CXXC1: variants seen among roughly 807,000 people sequenced by gnomAD.
CXXC1 encodes the protein CXXC finger protein 1.
CXXC1 carries 21 observed loss-of-function variants against 83.6 expected under a neutral mutation model. The ratio of observed to expected loss-of-function variants is 0.25; its 90% CI spans 0.18 to 0.36. The LOEUF (loss-of-function observed/expected upper bound fraction) is 0.36. Ranked by LOEUF, CXXC1 falls within the 10% of genes least tolerant of loss-of-function variation. The pLI is 1.00. For missense variants in CXXC1, 688 were observed against 919.5 expected, an observed-to-expected ratio of 0.75 and a Z score of 3.26; for synonymous variants, 371 against 337.5, an observed-to-expected ratio of 1.10 and a Z score of -1.09.
chr18:50,282,971 T>C lies in CXXC1; in HGVS notation c.1707A>G (p.Val569=). The C allele has an allele frequency of 6.2e-7, 1 of 1,613,682 alleles. No homozygotes were observed. The highest frequency in any genetic ancestry group is 1.1e-5 in the South Asian group (1 of 91,074). ...CACCCGTGAGCTCAAAGACATCACG[T>C]ACAAGGGGGCACCCGCATACCTCGT... is the stretch of plus-strand genomic sequence containing the variant. ...PADEVCGCPL[V]RDVFELTGDF... The change falls in exon 14 of 15, where the codon GTA becomes GTG. Residue 569 remains valine, a synonymous_variant. Transcript: ENST00000285106. The surrounding 1 kb of genome is among the most constrained non-coding windows in gnomAD (Gnocchi z 5.8).
chr18:50,282,951 G>T lies in CXXC1; in HGVS notation c.1727C>A (p.Thr576Lys). 6.2e-7 allele frequency: 1 copy of T among 1,614,174 alleles called. No individual in the cohort carries two copies. The highest frequency in any genetic ancestry group is 8.5e-7 in the Non-Finnish European group (1 of 1,180,040). The part of the protein sequence containing the change: ...CPLVRDVFEL[T>K]GDFCRLPKRQ... ...CTTGGGCAGGCGGCAGAAGTCACCC[G>T]TGAGCTCAAAGACATCACGTACAAG... The change falls in exon 14 of 15, where the codon ACG (threonine) becomes AAG (lysine). Residue 576 changes from threonine (T) to lysine (K), a missense_variant. Around this residue, in one of 9 missense-constraint regions of CXXC1, gnomAD observed 114 missense variants for 173.3 expected, o/e 0.66. Coordinates refer to ENST00000285106, the MANE Select transcript of CXXC1 (RefSeq NM_014593.4). This position sits in a 1 kb window ranked among gnomAD's most constrained non-coding sequence, Gnocchi z 5.8.
Position 50,286,093 on chromosome 18 carries a change from C to T in CXXC1, c.388G>A (p.Ala130Thr). The T allele has an allele frequency of 6.2e-7, 1 of 1,613,976 alleles. No homozygotes were observed. Among genetic ancestry groups the T allele is most frequent in the East Asian group, 2.2e-5 (1 of 44,876 alleles). ...RRAGSGTGVG[A>T]MLARGSASPH... ...GAAGCAGAGCCCCGAGCAAGCATGG[C>T]CCCAACCCCTGTCCCTGACCCTGCC... The change falls in exon 4 of 15, where the codon GCC becomes ACC. Residue 130 changes from alanine (A) to threonine (T), a missense_variant. Physicochemically the swap from Ala to Thr is moderately conservative, Grantham distance 58. Transcript: ENST00000285106.
rs749268704 is a variant in CXXC1, at chr18:50,286,245, T to C, written c.236A>G (p.Lys79Arg). Residue 79 changes from lysine to arginine, a missense_variant, in exon 4 of 15, where the codon AAG (lysine) becomes AGG (arginine). By Grantham distance (26) the Lys-to-Arg change is conservative. This residue lies in a region of CXXC1 where 142 missense variants were observed against 150.7 expected (regional missense o/e 0.94). Coordinates refer to ENST00000285106, the MANE Select transcript of CXXC1 (RefSeq NM_014593.4). Reference sequence around the variant, plus strand: ...CTTGTGCCGATAGCGAATCTCTAGCTTGGGGTCTTTCTCTGTGGGGCAGAG... The same window carrying C: ...CTTGTGCCGATAGCGAATCTCTAGCCTGGGGTCTTTCTCTGTGGGGCAGAG... ...YCRECREKDP[K>R]LEIRYRHKKS... The C allele has an allele frequency of 2.5e-6, 4 of 1,606,680 alleles. No individual in the cohort carries two copies. Among genetic ancestry groups the C allele is most frequent in the Non-Finnish European group, 2.5e-6 (3 of 1,177,768 alleles).
intron 12 of CXXC1, 45 bp downstream of exon 12, chr18:50,283,470 C>A: frequency 6.2e-7 from 1 of 1,611,358 alleles, no homozygotes; most frequent in Non-Finnish European, 8.5e-7. Context: ...ACTTCTGACC[C>A]CCGCCTTAAC....
At chr18:50,283,442 C>G in intron 12 of CXXC1, 73 bp downstream of exon 12, 1 of 1,606,186 alleles carries the variant, frequency 6.2e-7, no homozygotes, top group Non-Finnish European at 8.5e-7. Flanking sequence ...TATCCTGCCC[C>G]AGCTCCACAC....
Position 50,287,600 on chromosome 18 carries a change from C to G in CXXC1, c.-11G>C, listed in dbSNP as rs756946151. On this transcript the variant is annotated 5_prime_UTR_variant, in exon 1 of 15. Coordinates refer to ENST00000285106, the MANE Select transcript of CXXC1 (RefSeq NM_014593.4). ...CCCGCTACTTACCATATCTCCGCTC[C>G]CGGCGCACTCCCTCACGACCCCCGC... The G allele has an allele frequency of 6.2e-6, 10 of 1,611,372 alleles. No homozygotes were observed. The highest frequency in any genetic ancestry group is 6.8e-6 in the Non-Finnish European group (8 of 1,179,846).
rs1944803492 is a variant in CXXC1 at position 50,282,458 on chromosome 18, A to T, written c.*135T>A. 8.7e-7 allele frequency: 1 copy of T among 1,143,212 alleles called. No individual in the cohort carries two copies. The highest frequency in any genetic ancestry group is 1.4e-5 in the South Asian group (1 of 72,444). The allele number at this position is 1,143,212 out of a possible 1,614,324, so 70.8% of individuals were successfully genotyped here. A position where few individuals can be genotyped will look rare whatever the true frequency, so the allele number is the denominator to read the frequency against. On this transcript the variant is annotated 3_prime_UTR_variant, in exon 15 of 15. Transcript: ENST00000285106. The surrounding 1 kb of genome is among the most constrained non-coding windows in gnomAD (Gnocchi z 5.8). ...GTCGACGGGGACAGTCCCTCTGATA[A>T]AGGCAGATGGGCGGTCAACCGGTGG...
chr18:50,283,481 C>A (rs1387850966), intron 12 of CXXC1, 34 bp downstream of exon 12: 4 of 1,612,866 alleles, frequency 2.5e-6, no homozygotes, highest in Non-Finnish European at 3.4e-6. Context: ...CCGCCTTAAC[C>A]CCCCACCTCT....
chr18:50,282,417 A>T lies in CXXC1; in HGVS notation c.*176T>A. ...AAGGATGAGTGGACTCCGCAGCCCC[A>T]CCAGGCACTGAACATGTCGACGGGG... is the stretch of plus-strand genomic sequence containing the variant. On this transcript the variant is annotated 3_prime_UTR_variant, in exon 15 of 15. Coordinates refer to ENST00000285106, the MANE Select transcript of CXXC1 (RefSeq NM_014593.4). This position sits in a 1 kb window ranked among gnomAD's most constrained non-coding sequence, Gnocchi z 5.8. 2.6e-6 allele frequency: 2 copies of T among 779,494 alleles called. No homozygotes were observed. Among genetic ancestry groups the T allele is most frequent in the Non-Finnish European group, 2.1e-6 (1 of 474,638 alleles). 48.3% of individuals were successfully genotyped at this position (779,494 alleles called of 1,614,324 possible).
At chr18:50,283,161 G>T in intron 13 of CXXC1, 104 bp downstream of exon 13, 1 of 1,302,992 alleles carries the variant, frequency 7.7e-7, no homozygotes, top group Non-Finnish European at 1.1e-6. Flanking sequence ...GGGAAGCTGA[G>T]AGGAAAAAGT....
rs1007397561 is a variant in CXXC1, at chr18:50,286,455, C to T, written c.223+84G>A. ...ATTCCAGCTCACCACAGACGTGTAT[C>T]ACTAATCCCCATAACCCCCCCTTGT... On this transcript the variant is annotated intron_variant, in intron 3 of 14. Transcript: ENST00000285106. 5 of 1,209,136 alleles carry T rather than the reference C, an allele frequency of 4.1e-6. No homozygotes were observed. The African/African-American group carries it at 7.4e-5, about 18-fold the overall frequency. 74.9% of individuals were successfully genotyped at this position (1,209,136 alleles called of 1,614,324 possible).
chr18:50,283,106 A>T, intron 13 of CXXC1, 100 bp from the exon 14 acceptor site: 1 of 1,412,382 alleles, frequency 7.1e-7, no homozygotes, highest in Non-Finnish European at 9.9e-7. Flanking sequence ...GGTTCAGGGA[A>T]CGGTGAGGAG....
In CXXC1 at chr18:50,285,028, C is replaced by T; in HGVS notation, c.886G>A (p.Ala296Thr). ...LDPDLYQDFCAGAFDDHGLPW... is the reference protein window; with the variant it reads ...LDPDLYQDFCTGAFDDHGLPW... ...AGGCCATGGTCATCAAAGGCCCCTGCACAGAAGTCCTGATACAGGTCAGGA... is the reference window on the plus strand; with the variant it reads ...AGGCCATGGTCATCAAAGGCCCCTGTACAGAAGTCCTGATACAGGTCAGGA... The change falls in exon 7 of 15, where the codon GCA becomes ACA. Residue 296 changes from alanine to threonine, a missense_variant. Transcript: ENST00000285106. This position sits in a 1 kb window ranked among gnomAD's most constrained non-coding sequence, Gnocchi z 4.4. The T allele has an allele frequency of 6.2e-7, 1 of 1,614,230 alleles. No homozygotes were observed. The highest frequency in any genetic ancestry group is 1.1e-5 in the South Asian group (1 of 91,084).
chr18:50,285,911 C>A lies in CXXC1; in HGVS notation c.477G>T (p.Gln159His). 6 of 1,614,104 alleles carry A rather than the reference C, an allele frequency of 3.7e-6. No individual in the cohort carries two copies. Among genetic ancestry groups the A allele is most frequent in the Non-Finnish European group, 5.1e-6 (6 of 1,179,976 alleles). ...TGCGGGCTGACCGTTTGATCTGCTGCTGCTGCTGCTGGTGATGCTGCAGGA... is the reference window on the plus strand; with the variant it reads ...TGCGGGCTGACCGTTTGATCTGCTGATGCTGCTGCTGGTGATGCTGCAGGA... ...ATPSQHHQQQ[Q>H]QQIKRSARMC... Residue 159 changes from glutamine to histidine, a missense_variant, in exon 5 of 15, where the codon CAG (glutamine) becomes CAT (histidine). Around this residue, in one of 9 missense-constraint regions of CXXC1, gnomAD observed 142 missense variants for 150.7 expected, o/e 0.94. Coordinates refer to ENST00000285106, the MANE Select transcript of CXXC1 (RefSeq NM_014593.4). This position sits in a 1 kb window ranked among gnomAD's most constrained non-coding sequence, Gnocchi z 4.4.
rs756077122 is a variant in CXXC1, at chr18:50,285,204, C to T, written c.710G>A (p.Arg237Gln). The change falls in exon 7 of 15, where the codon CGG becomes CAG. Residue 237 changes from arginine (R) to glutamine (Q), a missense_variant. Coordinates refer to ENST00000285106, the MANE Select transcript of CXXC1 (RefSeq NM_014593.4). The surrounding 1 kb of genome is among the most constrained non-coding windows in gnomAD (Gnocchi z 4.4). ...TPSESLPRPRRPLPTQQQPQP... is the reference protein window; with the variant it reads ...TPSESLPRPRQPLPTQQQPQP... ...TGGCTGCTGTTGGGTGGGCAGTGGC[C>T]GGCGGGGCCTTGGCAGGGACTCTGA... 8.7e-6 allele frequency: 14 copies of T among 1,613,926 alleles called. No homozygotes were observed. The highest frequency in any genetic ancestry group is 2.2e-5 in the East Asian group (1 of 44,890).
In CXXC1 at chr18:50,282,600, T is replaced by C. The variant is rs368403176; in HGVS notation, c.1964A>G (p.Asp655Gly). 2 of 1,609,030 alleles carry C rather than the reference T, an allele frequency of 1.2e-6. No homozygotes were observed. Among genetic ancestry groups the C allele is most frequent in the African/African-American group, 2.7e-5 (2 of 75,008 alleles). ...GGGTCCGGGCCAGGAGGCTCAGCGG[T>C]CGGCACTGGAGCGCAGGTCGGTAGT... ...PLTTDLRSSADR is the reference protein window; with the variant it reads ...PLTTDLRSSAGR Residue 655 changes from aspartate (D) to glycine (G), a missense_variant, in exon 15 of 15, where the codon GAC (aspartate) becomes GGC (glycine). Asp to Gly is a moderately conservative substitution (Grantham distance 94). Transcript: ENST00000285106. This position sits in a 1 kb window ranked among gnomAD's most constrained non-coding sequence, Gnocchi z 5.8.
rs766174402 is a variant in CXXC1 at position 50,282,566 on chromosome 18, G to A, written c.*27C>T. On this transcript the variant is annotated 3_prime_UTR_variant, in exon 15 of 15. Transcript: ENST00000285106. The surrounding 1 kb of genome is among the most constrained non-coding windows in gnomAD (Gnocchi z 5.8). ...GGGCGGCTCCCCCATCTGGAATGCA[G>A]GGTGTAAGGGGTCCGGGCCAGGAGG... The A allele has an allele frequency of 6.2e-6, 10 of 1,602,142 alleles. No individual in the cohort carries two copies. The African/African-American group carries it at 8.0e-5, about 13-fold the overall frequency.
At position 50,283,525 on chromosome 18, in the gene CXXC1, G is replaced by C; in HGVS notation, c.1564C>G (p.Arg522Gly). The change falls in exon 12 of 15, where the codon CGC becomes GGC. Residue 522 changes from arginine to glycine, a missense_variant. Physicochemically the swap from Arg to Gly is moderately radical, Grantham distance 125. Coordinates refer to ENST00000285106, the MANE Select transcript of CXXC1 (RefSeq NM_014593.4). The part of the protein sequence containing the change: ...QTSFGSMYPT[R>G]IEGATRLFCD... Reference sequence around the variant, plus strand: ...GGCACCCTCACTTACCCTTCAATGCGTGTGGGGTACATGGACCCAAAGGAC... The same window carrying C: ...GGCACCCTCACTTACCCTTCAATGCCTGTGGGGTACATGGACCCAAAGGAC... 1 of 1,612,772 alleles carries C rather than the reference G, an allele frequency of 6.2e-7. No individual in the cohort carries two copies. Among genetic ancestry groups the C allele is most frequent in the Non-Finnish European group, 8.5e-7 (1 of 1,179,766 alleles).
chr18:50,283,612 G>A lies in CXXC1; in HGVS notation c.1525-48C>T, dbSNP rs779968037. On this transcript the variant is annotated intron_variant, in intron 11 of 14. Coordinates refer to ENST00000285106, the MANE Select transcript of CXXC1 (RefSeq NM_014593.4). ...AGGGAACTGTGGATGTGCGCTGCAT[G>A]CCCTCCCAAGACACCACCCAGACAA... 2.2e-5 allele frequency: 36 copies of A among 1,609,704 alleles called. No individual in the cohort carries two copies. In the Admixed American group the frequency reaches 5.5e-4, roughly 25 times the overall value.
Sources: allele counts gnomAD v4.1 joint callset, GRCh38; gene constraint gnomAD v4.1.1; regional missense constraint gnomAD v4.1.1; non-coding constraint Gnocchi (gnomAD v3.1); transcripts MANE v1.5; gene names NCBI Gene and HGNC (gene_info 2026-07-23, HGNC 2026-07-21).